Variants in PPP1CB observed in about 807,000 individuals in gnomAD.
PPP1CB encodes the protein serine/threonine-protein phosphatase PP1-beta catalytic subunit.
In PPP1CB, 2 loss-of-function variants were observed where a neutral mutation model predicts 43.7. The ratio of observed to expected loss-of-function variants is 0.05; its 90% confidence interval spans 0.02 to 0.14. The LOEUF is 0.14. Ranked by LOEUF, PPP1CB falls within the 10% of genes least tolerant of loss-of-function variation. The pLI is 1.00. For missense variants in PPP1CB, 84 were observed against 398.0 expected (o/e 0.21, Z 6.71); for synonymous variants, 136 against 135.6 (o/e 1.00, Z -0.02).
At chr2:28,797,631 A>C (rs1183577754) in intron 7 of PPP1CB, among the ~76,000 whole-genome samples, 1 of 152,204 alleles carries the variant, frequency 6.6e-6, no homozygotes, top group South Asian at 2.1e-4. Context: ...TTGTGTGCAC[A>C]GGTGTTTATA....
intron 1 of PPP1CB, among the ~76,000 whole-genome samples, chr2:28,769,117 T>C (rs1320338492): frequency 6.6e-6 from 1 of 152,206 alleles, no homozygotes; most frequent in Admixed American, 6.5e-5. Flanking sequence ...AAAAATTCAT[T>C]ATCTTCAGGG....
At chr2:28,761,269 G>A (rs1558297541) in intron 1 of PPP1CB, among the ~76,000 whole-genome samples, 1 of 152,114 alleles carries the variant, frequency 6.6e-6, no homozygotes, top group Non-Finnish European at 1.5e-5. Context: ...TGACAGAAAG[G>A]AATAGCTTTT....
chr2:28,781,127 G>A (rs993194210), intron 3 of PPP1CB, among the ~76,000 whole-genome samples: 17 of 151,994 alleles, frequency 1.1e-4, no homozygotes, highest in African/African-American at 4.1e-4. Flanking sequence ...ATATTATACT[G>A]ATCTTAAAAG....
At chr2:28,789,203 G>A (rs1667335873) in intron 6 of PPP1CB, among the ~76,000 whole-genome samples, 1 of 151,972 alleles carries the variant, frequency 6.6e-6, no homozygotes, top group South Asian at 2.1e-4. Context: ...CCTAAAAGAG[G>A]AAATGTTTAG....
chr2:28,775,130 G>C (rs1667007329), intron 1 of PPP1CB, among the ~76,000 whole-genome samples: 1 of 151,790 alleles, frequency 6.6e-6, no homozygotes, highest in African/African-American at 2.4e-5. Context: ...TTTGGAGATG[G>C]GGTCTCACTC....
chr2:28,789,627 C>G (rs1350137163), intron 6 of PPP1CB, among the ~76,000 whole-genome samples: 3 of 114,288 alleles, frequency 2.6e-5, no homozygotes, highest in African/African-American at 3.4e-5. Context: ...GAGATGGAGT[C>G]TCACTCTGTC....
intron 1 of PPP1CB, among the ~76,000 whole-genome samples, chr2:28,771,218 T>C (rs1666906544): frequency 6.6e-6 from 1 of 152,018 alleles, no homozygotes; most frequent in Non-Finnish European, 1.5e-5. Flanking sequence ...CACGCCTGGC[T>C]AATTTTTGTA....
At chr2:28,757,815 T>C (rs1666527949) in intron 1 of PPP1CB, among the ~76,000 whole-genome samples, 1 of 152,128 alleles carries the variant, frequency 6.6e-6, no homozygotes, top group African/African-American at 2.4e-5. Context: ...TTTATTTTGC[T>C]ATCTGAATGC....
At position 28,775,148 on chromosome 2, in the gene PPP1CB, G is replaced by A. The variant is rs1667007799; in HGVS notation, c.53-1703G>A. ...GGAGATGGGGTCTCACTCTCACCCAGGCTGGAGTGCAGTGGCACGATCTCA... is the reference window on the plus strand; with the variant it reads ...GGAGATGGGGTCTCACTCTCACCCAAGCTGGAGTGCAGTGGCACGATCTCA... On this transcript the variant is annotated intron_variant, in intron 1 of 7. Transcript: ENST00000395366. Among the ~76,000 whole-genome samples the A allele has an allele frequency of 2.6e-5, 4 of 152,094 alleles. No individual in the cohort carries two copies. In the South Asian group the frequency reaches 8.3e-4, roughly 31 times the overall value.
chr2:28,759,557 A>AT (rs1199929805), intron 1 of PPP1CB, among the ~76,000 whole-genome samples: 1 of 150,592 alleles, frequency 6.6e-6, no homozygotes, highest in Non-Finnish European at 1.5e-5. Flanking sequence ...GTATAACACA[A>AT]TTATATAGAG....
intron 1 of PPP1CB, among the ~76,000 whole-genome samples, chr2:28,765,250 G>T (rs891471609): frequency 6.6e-6 from 1 of 152,190 alleles, no homozygotes; most frequent in African/African-American, 2.4e-5. Flanking sequence ...AATGTTCTCT[G>T]TCATCAAAAC....
At chr2:28,797,398 G>C (rs1005038056) in intron 7 of PPP1CB, among the ~76,000 whole-genome samples, 1 of 151,916 alleles carries the variant, frequency 6.6e-6, no homozygotes, top group Non-Finnish European at 1.5e-5. Context: ...TCTGGGCCAG[G>C]GCTTTTTTTG....
At chr2:28,757,380 C>T (rs59450358) in intron 1 of PPP1CB, among the ~76,000 whole-genome samples, 225 of 152,090 alleles carry the variant, frequency 1.5e-3, no homozygotes, top group African/African-American at 5.3e-3. Flanking sequence ...CTTTCAATTC[C>T]GTTGGGTATA....
At chr2:28,786,269 G>T (rs1207206884) in intron 5 of PPP1CB, among the ~76,000 whole-genome samples, 3 of 151,984 alleles carry the variant, frequency 2.0e-5, no homozygotes, top group African/African-American at 7.2e-5. Context: ...TCCTGCCACT[G>T]TGCCCAGCTA....
intron 1 of PPP1CB, among the ~76,000 whole-genome samples, chr2:28,776,352 C>T (rs942249894): frequency 2.6e-5 from 4 of 151,848 alleles, no homozygotes; most frequent in Non-Finnish European, 4.4e-5. Flanking sequence ...AACCTCTGCC[C>T]CCGGGTTCAA....
intron 1 of PPP1CB, among the ~76,000 whole-genome samples, chr2:28,752,984 C>A (rs1266292763): frequency 6.6e-6 from 1 of 152,170 alleles, no homozygotes. Flanking sequence ...TTTGAACTTT[C>A]CGGGCTCAAG....
At position 28,777,100 on chromosome 2, in the gene PPP1CB, C is replaced by A. The variant is rs1667058721; in HGVS notation, c.184+118C>A. 13 of 1,064,362 alleles carry A rather than the reference C, an allele frequency of 1.2e-5. No individual in the cohort carries two copies. In the Admixed American group the frequency reaches 2.0e-4, roughly 16 times the overall value. The allele number at this position is 1,064,362 out of a possible 1,614,324, so 65.9% of individuals were successfully genotyped here. A position where few individuals can be genotyped will look rare whatever the true frequency, so the allele number is the denominator to read the frequency against. On this transcript the variant is annotated intron_variant, in intron 2 of 7. Transcript: ENST00000395366. Reference sequence around the variant, plus strand: ...GTATAAAACAGATCAGTAGGCTTTACTAAATAAAAGTGTATAAAAATTGAA... The same window carrying A: ...GTATAAAACAGATCAGTAGGCTTTAATAAATAAAAGTGTATAAAAATTGAA...
chr2:28,752,076 C>T lies in PPP1CB; in HGVS notation c.-49C>T, dbSNP rs755964738. On this transcript the variant is annotated 5_prime_UTR_variant, in exon 1 of 8. Transcript: ENST00000395366. The stretch of plus-strand genomic sequence containing the variant: ...GAGCCGTCGCCGCAGCCTCCGCCGC[C>T]GAGAAGCCCTTGTTCCCGCTGCTGG... 14 of 1,540,502 alleles carry T rather than the reference C, an allele frequency of 9.1e-6. No individual in the cohort carries two copies. The South Asian group carries it at 1.1e-4, about 12-fold the overall frequency.
intron 1 of PPP1CB, among the ~76,000 whole-genome samples, chr2:28,757,970 TCTTC>T: frequency 6.6e-6 from 1 of 151,824 alleles, no homozygotes; most frequent in East Asian, 1.9e-4. Context: ...TAGGTCTTTT[TCTTC>T]CTTATTCTCC....
Sources: allele counts gnomAD v4.1 joint callset (sites outside exome capture counted in the v4.1 genomes callset), GRCh38; gene constraint gnomAD v4.1.1; transcripts MANE v1.5; gene names NCBI Gene and HGNC (gene_info 2026-07-23, HGNC 2026-07-21).